Variants in SDHC observed in about 807,000 individuals in gnomAD.
SDHC encodes the protein succinate dehydrogenase complex subunit C.
Under a neutral mutation model 22.6 loss-of-function variants are expected in SDHC, and 11 were observed. The ratio of observed to expected loss-of-function variants is 0.49; its 90% CI spans 0.31 to 0.81. The LOEUF (loss-of-function observed/expected upper bound fraction) is 0.81. Among genes scored for constraint, SDHC ranks in the 30% least tolerant of loss-of-function variants. SDHC has a pLI of 0.05. For synonymous variants in SDHC, 80 were observed against 77.8 expected, an observed-to-expected ratio of 1.03 and a Z score of -0.15; for missense variants, 160 against 212.0, an observed-to-expected ratio of 0.75 and a Z score of 1.52.
chr1:161,345,364 C>T (rs1486241069), intron 4 of SDHC, among the ~76,000 whole-genome samples: 1 of 152,202 alleles, frequency 6.6e-6, no homozygotes, highest in East Asian at 1.9e-4. Flanking sequence ...TACAAGCTTC[C>T]TTACATCTGT....
At position 161,347,294 on chromosome 1, in the gene SDHC, G is replaced by A. The variant is rs566516160; in HGVS notation, c.241+6639G>A. On this transcript the variant is annotated intron_variant, in intron 4 of 5. Coordinates refer to ENST00000367975, the MANE Select transcript of SDHC (RefSeq NM_003001.5). ...TTTTGAGATGGAGTCTCGCTCTGTCGGCCAGGCTGGAGTGCAGTGGCACGA... is the reference window on the plus strand; with the variant it reads ...TTTTGAGATGGAGTCTCGCTCTGTCAGCCAGGCTGGAGTGCAGTGGCACGA... Among the ~76,000 whole-genome samples, 133 of 152,050 alleles carry A rather than the reference G, an allele frequency of 8.7e-4. 1 individual carries two copies. The highest frequency in any genetic ancestry group is 2.9e-3 in the African/African-American group (122 of 41,494).
At chr1:161,327,559 A>AT (rs200820100) in intron 2 of SDHC, among the ~76,000 whole-genome samples, 19 of 150,878 alleles carry the variant, frequency 1.3e-4, no homozygotes, top group Non-Finnish European at 1.9e-4. Flanking sequence ...GAGTTTATTT[A>AT]TTTATTTTAT....
chr1:161,323,396 A>G (rs773099970), intron 1 of SDHC, among the ~76,000 whole-genome samples: 3 of 152,140 alleles, frequency 2.0e-5, no homozygotes, highest in Non-Finnish European at 4.4e-5. Flanking sequence ...TTTGTGTTTG[A>G]TTAACTCTAT....
intron 3 of SDHC, among the ~76,000 whole-genome samples, chr1:161,334,342 T>C (rs1279754835): frequency 6.6e-6 from 1 of 152,128 alleles, no homozygotes; most frequent in East Asian, 1.9e-4. Flanking sequence ...TTTTCTCATT[T>C]CTCTCTTCTG....
chr1:161,357,581 A>G (rs1324729860), intron 5 of SDHC, among the ~76,000 whole-genome samples: 1 of 151,586 alleles, frequency 6.6e-6, no homozygotes, highest in Non-Finnish European at 1.5e-5. Context: ...TTGTATTTTT[A>G]GTAGAGATGG....
At chr1:161,344,200 G>A (rs1671816711) in intron 4 of SDHC, among the ~76,000 whole-genome samples, 1 of 152,226 alleles carries the variant, frequency 6.6e-6, no homozygotes, top group Non-Finnish European at 1.5e-5. Flanking sequence ...TGAGGCAGGA[G>A]AATGGCGTGA....
In SDHC at chr1:161,361,330, A is replaced by G. The variant is rs1672501382; in HGVS notation, c.406-999A>G. ...TTTATCAACTTTTGCTATATTATATATACATATCTATTGGGTTCCAGTTTT... is the reference window on the plus strand; with the variant it reads ...TTTATCAACTTTTGCTATATTATATGTACATATCTATTGGGTTCCAGTTTT... On this transcript the variant is annotated intron_variant, in intron 5 of 5. Transcript: ENST00000367975. Among the ~76,000 whole-genome samples, 3 of 152,140 alleles carry G rather than the reference A, an allele frequency of 2.0e-5. No individual in the cohort carries two copies. In the South Asian group the frequency reaches 6.2e-4, roughly 32 times the overall value.
chr1:161,354,663 TTG>T (rs60151629), intron 4 of SDHC, among the ~76,000 whole-genome samples: 13,612 of 116,262 alleles, frequency 0.12, 799 homozygotes, highest in Admixed American at 0.2. Flanking sequence ...TCTTATTTCT[TTG>T]TGTGTGTGTG....
intron 4 of SDHC, among the ~76,000 whole-genome samples, chr1:161,345,926 C>T (rs373416528): frequency 2.6e-5 from 4 of 152,180 alleles, no homozygotes; most frequent in Non-Finnish European, 1.5e-5. Context: ...CTGCCTCAGC[C>T]TCCCGGGTAG....
Position 161,362,935 on chromosome 1 carries a change from G to A in SDHC, c.*502G>A. On this transcript the variant is annotated 3_prime_UTR_variant, in exon 6 of 6. Coordinates refer to ENST00000367975, the MANE Select transcript of SDHC (RefSeq NM_003001.5). The stretch of plus-strand genomic sequence containing the variant: ...CACCTACACAGTGTTATTGAAAGAA[G>A]AGAGGTGGGGGTGGAGGGGAATTAG... The A allele has an allele frequency of 2.9e-6, 1 of 339,370 alleles. No individual in the cohort carries two copies. The highest frequency in any genetic ancestry group is 5.5e-6 in the Non-Finnish European group (1 of 182,090). The allele number at this position is 339,370 out of a possible 1,614,324, so 21.0% of individuals were successfully genotyped here. A position where few individuals can be genotyped will look rare whatever the true frequency, so the allele number is the denominator to read the frequency against.
At chr1:161,348,092 A>G (rs1290020012) in intron 4 of SDHC, among the ~76,000 whole-genome samples, 1 of 152,216 alleles carries the variant, frequency 6.6e-6, no homozygotes. Flanking sequence ...ATAAATTTTA[A>G]AAAGCATGTT....
chr1:161,356,926 G>A (rs1259004805), intron 5 of SDHC, 86 bp downstream of exon 5: 39 of 1,405,046 alleles, frequency 2.8e-5, no homozygotes, highest in Admixed American at 1.0e-4. Context: ...TGGGTTTAGT[G>A]CTGTTCTTTT....
At chr1:161,340,560 CT>C (rs1558174421) in intron 3 of SDHC, 33 bp from the exon 4 acceptor site, 1 of 1,598,302 alleles carries the variant, frequency 6.3e-7, no homozygotes, top group Non-Finnish European at 8.6e-7. Context: ...TCATCTTTTC[CT>C]TTTTAAAATT....
intron 3 of SDHC, among the ~76,000 whole-genome samples, chr1:161,336,498 A>C (rs1470223425): frequency 6.6e-6 from 1 of 152,106 alleles, no homozygotes; most frequent in Non-Finnish European, 1.5e-5. Flanking sequence ...GAAAAAGAGA[A>C]AAGAGCATCC....
At position 161,348,051 on chromosome 1, in the gene SDHC, A is replaced by G. The variant is rs865930162; in HGVS notation, c.241+7396A>G. Among the ~76,000 whole-genome samples, 6 of 152,208 alleles carry G rather than the reference A, an allele frequency of 3.9e-5. No individual in the cohort carries two copies. In the South Asian group the frequency reaches 1.2e-3, roughly 31 times the overall value. ...TGGATAAATACAAAATAAGTTATTT[A>G]TTTTAACTATAGAGATTTTATGGCT... On this transcript the variant is annotated intron_variant, in intron 4 of 5. Coordinates refer to ENST00000367975, the MANE Select transcript of SDHC (RefSeq NM_003001.5).
In SDHC at chr1:161,362,646, C is replaced by G; in HGVS notation, c.*213C>G. The G allele has an allele frequency of 6.5e-7, 1 of 1,528,164 alleles. No homozygotes were observed. The highest frequency in any genetic ancestry group is 1.2e-5 in the South Asian group (1 of 81,626). 94.7% of individuals were successfully genotyped at this position (1,528,164 alleles called of 1,614,324 possible). The stretch of plus-strand genomic sequence containing the variant: ...CTTGTTTCTAAAGATGAGGTGGCTG[C>G]AAAAACTCCCCTTTTTTGCCCACAG... On this transcript the variant is annotated 3_prime_UTR_variant, in exon 6 of 6. Coordinates refer to ENST00000367975, the MANE Select transcript of SDHC (RefSeq NM_003001.5).
chr1:161,319,051 A>C (rs755957066), intron 1 of SDHC, among the ~76,000 whole-genome samples: 8 of 152,098 alleles, frequency 5.3e-5, no homozygotes, highest in Non-Finnish European at 7.4e-5. Context: ...TTTCAAAAAC[A>C]AACAAAAAAC....
At chr1:161,328,532 G>T (rs755722869) in intron 3 of SDHC, 35 bp downstream of exon 3, 1 of 1,453,818 alleles carries the variant, frequency 6.9e-7, no homozygotes, top group African/African-American at 1.4e-5. Context: ...GAATCTAGAG[G>T]TAGTGGGTGA....
At chr1:161,336,658 G>T (rs925568562) in intron 3 of SDHC, among the ~76,000 whole-genome samples, 6 of 152,094 alleles carry the variant, frequency 3.9e-5, no homozygotes, top group Non-Finnish European at 7.4e-5. Context: ...GAAAAAAGCA[G>T]CAGGGAACAC....
Sources: gnomAD v4.1 joint callset for allele counts (sites outside exome capture counted in the v4.1 genomes callset) on GRCh38, gnomAD v4.1.1 for gene constraint, MANE v1.5 for transcripts, NCBI Gene and HGNC (gene_info 2026-07-23, HGNC 2026-07-21) for gene names.